TPP2: variants seen among roughly 807,000 people sequenced by gnomAD.
TPP2 encodes the protein tripeptidyl peptidase 2, also known as tripeptidyl-peptidase 2.
In TPP2, 34 loss-of-function variants were observed where a neutral mutation model predicts 155.9. That is an observed-to-expected ratio of 0.22 (90% confidence interval 0.17 to 0.29). The LOEUF is 0.29. TPP2 is among the 10% of genes least tolerant of loss of function. The pLI is 1.00. For missense variants in TPP2, 1,028 were observed against 1,522.3 expected (o/e 0.68, Z 5.40); for synonymous variants, 510 against 529.4 (o/e 0.96, Z 0.50).
At position 102,629,233 on chromosome 13, in the gene TPP2, C is replaced by T. The variant is rs182337697; in HGVS notation, c.1017-249C>T. Among the ~76,000 whole-genome samples, 218 of 152,226 alleles carry T rather than the reference C, an allele frequency of 1.4e-3. 1 individual carries two copies. Among genetic ancestry groups the T allele is most frequent in the Middle Eastern group, 3.4e-3 (1 of 294 alleles). ...CGAGTCACTACTAATATTTTACTAC[C>T]TTGTAGTATATTTTCCCATATATAT... is the stretch of plus-strand genomic sequence containing the variant. On this transcript the variant is annotated intron_variant, in intron 8 of 29. Transcript: ENST00000376052.
chr13:102,613,756 C>G (rs1453477858), intron 2 of TPP2, among the ~76,000 whole-genome samples: 1 of 152,156 alleles, frequency 6.6e-6, no homozygotes, highest in East Asian at 1.9e-4. Flanking sequence ...TTGCATCGCT[C>G]TACTAAAAGT....
chr13:102,663,622 T>A, intron 25 of TPP2, 26 bp from the exon 26 acceptor site: 1 of 1,508,096 alleles, frequency 6.6e-7, no homozygotes, highest in Non-Finnish European at 8.9e-7. Context: ...AAAAAGTAAA[T>A]ATTTCTCTCC....
chr13:102,648,804 A>G (rs1400073656), intron 21 of TPP2, 103 bp from the exon 22 acceptor site: 2 of 1,423,700 alleles, frequency 1.4e-6, no homozygotes, highest in Non-Finnish European at 9.3e-7. Context: ...CTCACATATT[A>G]TGAACAAGTC....
chr13:102,649,162 A>G lies in TPP2; in HGVS notation c.2873+11A>G. On this transcript the variant is annotated intron_variant, in intron 22 of 29. Transcript: ENST00000376052. ...CTTACCTGATGATAAGTAAGTGATA[A>G]CATTGCTTATACTTACTGCCCATCG... The G allele has an allele frequency of 6.3e-7, 1 of 1,594,030 alleles. No homozygotes were observed. The highest frequency in any genetic ancestry group is 8.5e-7 in the Non-Finnish European group (1 of 1,171,056).
chr13:102,601,316 C>T (rs1216862871), intron 1 of TPP2, among the ~76,000 whole-genome samples: 1 of 152,156 alleles, frequency 6.6e-6, no homozygotes, highest in African/African-American at 2.4e-5. Flanking sequence ...TTTAAGTCAA[C>T]TCATTAACTT....
intron 10 of TPP2, among the ~76,000 whole-genome samples, chr13:102,632,329 C>T (rs1484325962): frequency 6.6e-6 from 1 of 151,782 alleles, no homozygotes; most frequent in African/African-American, 2.4e-5. Flanking sequence ...ACTACAACCT[C>T]CACCTCTCAG....
chr13:102,675,687 A>G (rs1345196932), intron 28 of TPP2, among the ~76,000 whole-genome samples: 1 of 152,198 alleles, frequency 6.6e-6, no homozygotes, highest in African/African-American at 2.4e-5. Context: ...TACTACTACT[A>G]TATTAGGGGC....
chr13:102,624,852 C>CTTTTTTTTTTTTTTT lies in TPP2; in HGVS notation c.784+1822_784+1836dup, dbSNP rs1029486604. On this transcript the variant is annotated intron_variant, in intron 6 of 29. Transcript: ENST00000376052. The stretch of plus-strand genomic sequence containing the variant: ...AACATGTACTTAATTTTTTTTTTTC[C>CTTTTTTTTTTTTTTT]TTTTTTTTTTTTTTTTTTTTTTTTG... 1.8e-3 allele frequency among the ~76,000 whole-genome samples: 154 copies of CTTTTTTTTTTTTTTT among 83,424 alleles called. 1 individual carries two copies. The highest frequency in any genetic ancestry group is 3.0e-3 in the South Asian group (7 of 2,298). 54.7% of individuals were successfully genotyped at this position (83,424 alleles called of 152,430 possible).
intron 27 of TPP2, 91 bp from the exon 28 acceptor site, chr13:102,674,192 G>A: frequency 2.2e-6 from 3 of 1,346,994 alleles, no homozygotes; most frequent in Non-Finnish European, 3.0e-6. Flanking sequence ...TAAATCTTAG[G>A]CAAAAGAATA....
At chr13:102,672,219 A>G (rs942057799) in intron 27 of TPP2, among the ~76,000 whole-genome samples, 1 of 152,200 alleles carries the variant, frequency 6.6e-6, no homozygotes, top group African/African-American at 2.4e-5. Flanking sequence ...GAGAGTTAGC[A>G]GTCCCCCTAA....
At chr13:102,668,336 A>G (rs1251812111) in intron 27 of TPP2, among the ~76,000 whole-genome samples, 2 of 152,020 alleles carry the variant, frequency 1.3e-5, no homozygotes, top group African/African-American at 2.4e-5. Context: ...ACTCTGACCA[A>G]TTTCCTACAT....
At chr13:102,619,498 T>G (rs1405010195) in intron 5 of TPP2, among the ~76,000 whole-genome samples, 2 of 151,804 alleles carry the variant, frequency 1.3e-5, no homozygotes, top group African/African-American at 2.4e-5. Flanking sequence ...TTACTTGTAG[T>G]CTGCGTCCCT....
At chr13:102,662,783 T>G (rs1481179282) in intron 25 of TPP2, among the ~76,000 whole-genome samples, 1 of 152,174 alleles carries the variant, frequency 6.6e-6, no homozygotes, top group Non-Finnish European at 1.5e-5. Context: ...CCACTTCTGG[T>G]GCTAGTTTGT....
intron 2 of TPP2, among the ~76,000 whole-genome samples, chr13:102,605,728 C>CTT (rs71125079): frequency 1.4e-4 from 19 of 135,972 alleles, no homozygotes; most frequent in Non-Finnish European, 2.2e-4. Context: ...TTCTTTTTTT[C>CTT]TTTTTTTTTT....
At chr13:102,661,665 G>C (rs1197804479) in intron 25 of TPP2, among the ~76,000 whole-genome samples, 2 of 152,112 alleles carry the variant, frequency 1.3e-5, no homozygotes, top group African/African-American at 2.4e-5. Context: ...ACCAGTAAGT[G>C]CATGAAAAAA....
intron 1 of TPP2, among the ~76,000 whole-genome samples, chr13:102,603,791 T>G (rs1451552294): frequency 6.6e-6 from 1 of 152,154 alleles, no homozygotes; most frequent in Non-Finnish European, 1.5e-5. Context: ...GTCCATGATT[T>G]TGGAGCATTT....
At chr13:102,675,549 C>G (rs1285286345) in intron 28 of TPP2, among the ~76,000 whole-genome samples, 1 of 152,190 alleles carries the variant, frequency 6.6e-6, no homozygotes, top group African/African-American at 2.4e-5. Context: ...ATGTGCCAAA[C>G]ACTACTTACT....
At chr13:102,649,828 GA>G (rs1883370202) in intron 23 of TPP2, among the ~76,000 whole-genome samples, 1 of 151,986 alleles carries the variant, frequency 6.6e-6, no homozygotes, top group South Asian at 2.1e-4. Context: ...TTTAAGATTA[GA>G]ACATGTTATA....
rs199627992 is a variant in TPP2 at position 102,647,189 on chromosome 13, T to G, written c.2491-18T>G. The G allele has an allele frequency of 5.6e-5, 88 of 1,585,104 alleles. No individual in the cohort carries two copies. The Admixed American group carries it at 9.1e-4, about 16-fold the overall frequency. Reference sequence around the variant, plus strand: ...TATATGCAAATCATGCCAAGTAATCTTTTTTGTTTTTTAATAGCCCAAGAG... The same window carrying G: ...TATATGCAAATCATGCCAAGTAATCGTTTTTGTTTTTTAATAGCCCAAGAG... On this transcript the variant is annotated intron_variant, in intron 20 of 29. Coordinates refer to ENST00000376052, the MANE Select transcript of TPP2 (RefSeq NM_001330588.2).
Sources: allele counts gnomAD v4.1 joint callset (sites outside exome capture counted in the v4.1 genomes callset), GRCh38; gene constraint gnomAD v4.1.1; transcripts MANE v1.5; gene names NCBI Gene and HGNC (gene_info 2026-07-23, HGNC 2026-07-21).